Variants in LIMCH1 observed in about 807,000 individuals in gnomAD.
The protein encoded by LIMCH1 is LIM and calponin homology domains 1.
A neutral mutation model predicts 176.5 loss-of-function variants in LIMCH1; 113 were observed. The ratio of observed to expected loss-of-function variants is 0.64; its 90% confidence interval spans 0.55 to 0.75. The LOEUF (loss-of-function observed/expected upper bound fraction) is 0.75. LIMCH1 is among the 30% of genes least tolerant of loss of function. The pLI, the probability that LIMCH1 is intolerant of heterozygous loss-of-function variation, is 0.00. For synonymous variants in LIMCH1, 619 were observed against 645.9 expected (o/e 0.96, Z 0.63); for missense variants, 1,674 against 1,814.9 (o/e 0.92, Z 1.41).
At chr4:41,398,310 A>G (rs1030742599) in intron 1 of LIMCH1, among the ~76,000 whole-genome samples, 1 of 152,004 alleles carries the variant, frequency 6.6e-6, no homozygotes, top group African/African-American at 2.4e-5. Context: ...TTTCTCAAGC[A>G]CAGGTAATCC....
intron 1 of LIMCH1, among the ~76,000 whole-genome samples, chr4:41,438,733 C>T (rs747850422): frequency 3.9e-5 from 6 of 151,904 alleles, no homozygotes; most frequent in Non-Finnish European, 8.8e-5. Context: ...ATTTCCAATC[C>T]GCTGTAATAC....
At position 41,646,451 on chromosome 4, in the gene LIMCH1, T is replaced by C. The variant is rs540350980; in HGVS notation, c.2412-34T>C. ...AGGTCTTCTTTGCAATTTTCATTAG[T>C]TGACTTTGTTATTGCTTCTCCCATG... On this transcript the variant is annotated intron_variant, in intron 16 of 31. Coordinates refer to ENST00000503057, the MANE Select transcript of LIMCH1 (RefSeq NM_001330672.2). 3.8e-6 allele frequency: 6 copies of C among 1,594,168 alleles called. No individual in the cohort carries two copies. The African/African-American group carries it at 5.4e-5, about 14-fold the overall frequency.
At chr4:41,550,116 A>G (rs1455437953) in intron 1 of LIMCH1, among the ~76,000 whole-genome samples, 1 of 151,770 alleles carries the variant, frequency 6.6e-6, no homozygotes, top group Non-Finnish European at 1.5e-5. Flanking sequence ...CACCCCCAGT[A>G]TCCTCAGTGT....
intron 1 of LIMCH1, among the ~76,000 whole-genome samples, chr4:41,454,315 C>T (rs2154148671): frequency 6.6e-6 from 1 of 152,176 alleles, no homozygotes; most frequent in East Asian, 1.9e-4. Flanking sequence ...TTTTATTAAA[C>T]TAAAATGATT....
intron 1 of LIMCH1, among the ~76,000 whole-genome samples, chr4:41,575,746 A>G (rs1263155268): frequency 6.6e-6 from 1 of 152,138 alleles, no homozygotes; most frequent in Admixed American, 6.5e-5. Context: ...GCAGGAATGT[A>G]TCTGGTGGTA....
At chr4:41,553,179 C>A (rs1444229499) in intron 1 of LIMCH1, among the ~76,000 whole-genome samples, 1 of 152,168 alleles carries the variant, frequency 6.6e-6, no homozygotes, top group Non-Finnish European at 1.5e-5. Context: ...GTTCTGTTAT[C>A]ATGTGACTGT....
chr4:41,534,935 G>T (rs1451818117), upstream of LIMCH1, among the ~76,000 whole-genome samples: 1 of 151,998 alleles, frequency 6.6e-6, no homozygotes, highest in Admixed American at 6.6e-5. Flanking sequence ...CCTAAGGCAG[G>T]TGATCGCTTG....
In LIMCH1 at chr4:41,385,629, A is replaced by G. The variant is rs186473983; in HGVS notation, c.96+24693A>G. Among the ~76,000 whole-genome samples the G allele has an allele frequency of 2.0e-5, 3 of 152,288 alleles. No individual in the cohort carries two copies. In the East Asian group the frequency reaches 5.8e-4, roughly 29 times the overall value. On this transcript the variant is annotated intron_variant, in intron 1 of 26. Transcript: ENST00000313860. The stretch of plus-strand genomic sequence containing the variant: ...CATGGCAACTCAGTAGAATGCCCTT[A>G]TTTTGTTTTTCTGAAAGGAAAATTC...
At chr4:41,540,186 C>A (rs901173035) in intron 1 of LIMCH1, among the ~76,000 whole-genome samples, 1 of 151,982 alleles carries the variant, frequency 6.6e-6, no homozygotes, top group Non-Finnish European at 1.5e-5. Context: ...ATGTGGTTTT[C>A]ATGAAGAGTA....
chr4:41,398,335 A>T (rs1017420797), intron 1 of LIMCH1, among the ~76,000 whole-genome samples: 6 of 152,142 alleles, frequency 3.9e-5, no homozygotes, highest in Admixed American at 3.9e-4. Context: ...AAATTGAGAC[A>T]TCAATATTTG....
intron 13 of LIMCH1, among the ~76,000 whole-genome samples, chr4:41,635,017 G>A (rs558311525): frequency 1.4e-4 from 21 of 152,270 alleles, no homozygotes; most frequent in African/African-American, 3.9e-4. Flanking sequence ...ACATTTAGGC[G>A]CTCTCCCATT....
chr4:41,398,847 T>A (rs1191042803), intron 1 of LIMCH1, among the ~76,000 whole-genome samples: 1 of 152,146 alleles, frequency 6.6e-6, no homozygotes, highest in African/African-American at 2.4e-5. Flanking sequence ...GACTTAAAAA[T>A]ACCCATCTCG....
chr4:41,565,382 C>T (rs28680642), intron 1 of LIMCH1, among the ~76,000 whole-genome samples: 78 of 138,920 alleles, frequency 5.6e-4, no homozygotes, highest in African/African-American at 2.1e-3. Flanking sequence ...CACACACACA[C>T]ATACACACAC....
chr4:41,474,718 G>C (rs752643899), intron 1 of LIMCH1, among the ~76,000 whole-genome samples: 20 of 152,308 alleles, frequency 1.3e-4, no homozygotes, highest in Middle Eastern at 3.4e-3. Flanking sequence ...CTCATACACT[G>C]TTGGTGGTAT....
chr4:41,482,248 A>C (rs955872197), intron 1 of LIMCH1, among the ~76,000 whole-genome samples: 2 of 152,214 alleles, frequency 1.3e-5, no homozygotes, highest in Admixed American at 6.5e-5. Context: ...TCAGTACTAC[A>C]TGTAAAAATG....
chr4:41,647,071 A>G (rs1290236017), intron 17 of LIMCH1, among the ~76,000 whole-genome samples, 178 bp downstream of exon 17: 1 of 152,248 alleles, frequency 6.6e-6, no homozygotes, highest in Non-Finnish European at 1.5e-5. Context: ...CTTCAGGGAC[A>G]GCTGTTTCCC....
At chr4:41,549,047 C>A (rs551310875) in intron 1 of LIMCH1, among the ~76,000 whole-genome samples, 8 of 151,430 alleles carry the variant, frequency 5.3e-5, no homozygotes, top group African/African-American at 1.4e-4. Flanking sequence ...CCCATTTTGT[C>A]CCCTACTGTT....
intron 1 of LIMCH1, among the ~76,000 whole-genome samples, chr4:41,583,704 T>G (rs4355426): frequency 2.0e-5 from 3 of 151,926 alleles, no homozygotes; most frequent in Non-Finnish European, 2.9e-5. Context: ...GGCAGCCCCA[T>G]CTTGGGTTAG....
Position 41,411,749 on chromosome 4 carries a change from A to C in LIMCH1, c.96+50813A>C, listed in dbSNP as rs147797769. 6.5e-3 allele frequency among the ~76,000 whole-genome samples: 984 copies of C among 151,968 alleles called. 13 individuals are homozygous for C. The highest frequency in any genetic ancestry group is 0.022 in the African/African-American group (905 of 41,444). Reference sequence around the variant, plus strand: ...GCCGGGGCGGGCAGATCATGAGGTCAGGAGTTCAAGACCAGCCTGGCCAAA... The same window carrying C: ...GCCGGGGCGGGCAGATCATGAGGTCCGGAGTTCAAGACCAGCCTGGCCAAA... On this transcript the variant is annotated intron_variant, in intron 1 of 26. Transcript: ENST00000313860.
Sources: allele counts gnomAD v4.1 joint callset (sites outside exome capture counted in the v4.1 genomes callset), GRCh38; gene constraint gnomAD v4.1.1; transcripts MANE v1.5; gene names NCBI Gene and HGNC (gene_info 2026-07-23, HGNC 2026-07-21).